The following AUTS2 variants were observed in gnomAD, a reference collection of about 807,000 sequenced individuals.
The protein encoded by AUTS2 is autism susceptibility gene 2 protein.
Under a neutral mutation model 112.4 loss-of-function variants are expected in AUTS2, and 17 were observed. That is an observed-to-expected ratio of 0.15 (90% confidence interval 0.10 to 0.23). The LOEUF is 0.23. Among genes scored for constraint, AUTS2 ranks in the 10% least tolerant of loss-of-function variants. The pLI is 1.00. For synonymous variants in AUTS2, 751 were observed against 702.7 expected (o/e 1.07, Z -1.09); for missense variants, 1,510 against 1,701.6 (o/e 0.89, Z 1.98).
chr7:70,301,818 G>GCTCAC (rs1163580028), intron 4 of AUTS2, among the ~76,000 whole-genome samples: 1 of 152,156 alleles, frequency 6.6e-6, no homozygotes, highest in Admixed American at 6.5e-5. Context: ...GGATACAGTG[G>GCTCAC]TGTGATCTTG....
Position 69,598,553 on chromosome 7 carries a change from G to GGCAGCA in AUTS2, c.-1092_-1087dup, listed in dbSNP as rs572559239. ...TCGGGGCTTTCTCGGCGGCGGCGGCGGCAGCAGCAGCAGCGTTAGCGGCGG... is the reference window on the plus strand; with the variant it reads ...TCGGGGCTTTCTCGGCGGCGGCGGCGGCAGCAGCAGCAGCAGCAGCGTTAGCGGCGG... On this transcript the variant is annotated 5_prime_UTR_variant, in exon 1 of 19. Transcript: ENST00000342771. The GGCAGCA allele has an allele frequency of 4.6e-5, 8 of 172,560 alleles. No homozygotes were observed. Among genetic ancestry groups the GGCAGCA allele is most frequent in the South Asian group, 2.2e-4 (2 of 8,994 alleles). The allele number at this position is 172,560 out of a possible 1,614,324, so 10.7% of individuals were successfully genotyped here.
intron 4 of AUTS2, among the ~76,000 whole-genome samples, chr7:70,267,700 C>G (rs949372872): frequency 6.6e-6 from 1 of 152,200 alleles, no homozygotes; most frequent in South Asian, 2.1e-4. Flanking sequence ...CAAACACAAG[C>G]TATGGAGAGC....
intron 2 of AUTS2, among the ~76,000 whole-genome samples, chr7:69,982,077 T>C (rs1798318111): frequency 6.6e-6 from 1 of 152,248 alleles, no homozygotes; most frequent in South Asian, 2.1e-4. Flanking sequence ...AGGAATATAC[T>C]GTCTGAATTA....
At chr7:70,350,569 A>C (rs1562899597) in intron 4 of AUTS2, among the ~76,000 whole-genome samples, 1 of 152,196 alleles carries the variant, frequency 6.6e-6, no homozygotes, top group Non-Finnish European at 1.5e-5. Flanking sequence ...TCACGAGAGC[A>C]GCACAGGAAA....
intron 5 of AUTS2, among the ~76,000 whole-genome samples, chr7:70,461,486 G>A (rs1328394118): frequency 1.3e-5 from 2 of 152,108 alleles, no homozygotes; most frequent in African/African-American, 4.8e-5. Context: ...TTCCCACCCA[G>A]GCTTCCCACC....
intron 5 of AUTS2, among the ~76,000 whole-genome samples, chr7:70,508,118 A>G (rs1799041447): frequency 6.6e-6 from 1 of 152,138 alleles, no homozygotes; most frequent in African/African-American, 2.4e-5. Context: ...GGGGGTAGCT[A>G]ACTGATCAAG....
intron 2 of AUTS2, among the ~76,000 whole-genome samples, chr7:69,979,317 A>G (rs941820323): frequency 6.6e-6 from 1 of 152,348 alleles, no homozygotes; most frequent in South Asian, 2.1e-4. Flanking sequence ...GCTGTTTGAG[A>G]CAAGTAGGAC....
rs146803070 is a variant in AUTS2, at chr7:69,674,879, G to A, written c.309+74917G>A. ...GAGAGGGACAAGAAACGTGGGTCAG[G>A]ACAGAAGGCGTACTGCAGGAACAGA... On this transcript the variant is annotated intron_variant, in intron 1 of 18. Coordinates refer to ENST00000342771, the MANE Select transcript of AUTS2 (RefSeq NM_015570.4). 4.6e-3 allele frequency among the ~76,000 whole-genome samples: 704 copies of A among 152,332 alleles called. 2 individuals are homozygous for A. The highest frequency in any genetic ancestry group is 0.024 in the Middle Eastern group (7 of 294).
chr7:69,689,799 T>C (rs947300479), intron 1 of AUTS2, among the ~76,000 whole-genome samples: 1 of 151,410 alleles, frequency 6.6e-6, no homozygotes, highest in Admixed American at 6.6e-5. Context: ...TGCCTCAGCC[T>C]CCCGAGTAGC....
At chr7:70,229,029 A>G (rs140216639) in intron 4 of AUTS2, among the ~76,000 whole-genome samples, 6 of 151,914 alleles carry the variant, frequency 3.9e-5, no homozygotes, top group African/African-American at 1.4e-4. Context: ...TATTATATAT[A>G]TTAATCTTTC....
intron 1 of AUTS2, among the ~76,000 whole-genome samples, chr7:69,878,253 T>C (rs938151670): frequency 2.6e-5 from 4 of 152,044 alleles, no homozygotes; most frequent in African/African-American, 9.7e-5. Context: ...CAATGGTTTG[T>C]AGTAGGAGAA....
chr7:70,702,553 T>C (rs1809515211), intron 6 of AUTS2, among the ~76,000 whole-genome samples: 1 of 152,168 alleles, frequency 6.6e-6, no homozygotes, highest in South Asian at 2.1e-4. Flanking sequence ...GAGTGAGCCA[T>C]CGGGGAGCTG....
At chr7:70,313,664 A>G (rs1223158542) in intron 4 of AUTS2, among the ~76,000 whole-genome samples, 5 of 152,218 alleles carry the variant, frequency 3.3e-5, no homozygotes, top group Admixed American at 3.3e-4. Context: ...GTTGCTGGTT[A>G]GTACTTGTAG....
At chr7:70,117,105 TTTTTTTTTTTTG>T (rs1228676972) in intron 2 of AUTS2, among the ~76,000 whole-genome samples, 2 of 100,668 alleles carry the variant, frequency 2.0e-5, no homozygotes, top group African/African-American at 9.3e-5. Context: ...ATGACTTTTG[TTTTTTTTTTTTG>T]TTTTTTTTTG....
chr7:70,741,465 G>A (rs1405251045), intron 6 of AUTS2, among the ~76,000 whole-genome samples: 3 of 152,108 alleles, frequency 2.0e-5, no homozygotes, highest in Admixed American at 1.3e-4. Context: ...GCTGAGGCAG[G>A]CGGATCATCT....
chr7:69,687,900 A>G (rs938987362), intron 1 of AUTS2, among the ~76,000 whole-genome samples: 1 of 152,172 alleles, frequency 6.6e-6, no homozygotes, highest in Non-Finnish European at 1.5e-5. Flanking sequence ...CCTCTCTGAA[A>G]ACACAAAAGA....
intron 7 of AUTS2, 100 bp from the exon 8 acceptor site, chr7:70,764,652 G>C (rs1468311567): frequency 1.1e-5 from 7 of 661,210 alleles, no homozygotes; most frequent in Non-Finnish European, 1.9e-5. Context: ...AAGAGAGACT[G>C]TGGTGAGGGT....
At chr7:70,241,256 T>C (rs1381834747) in intron 4 of AUTS2, among the ~76,000 whole-genome samples, 1 of 152,228 alleles carries the variant, frequency 6.6e-6, no homozygotes, top group African/African-American at 2.4e-5. Flanking sequence ...GCCACAATAA[T>C]AGGGTAAGAG....
intron 4 of AUTS2, among the ~76,000 whole-genome samples, chr7:70,434,074 C>T (rs965154447): frequency 1.3e-5 from 2 of 152,134 alleles, no homozygotes; most frequent in South Asian, 2.1e-4. Flanking sequence ...ATGGCTGCTA[C>T]GTATCTGGAC....
Sources: allele counts gnomAD v4.1 joint callset (sites outside exome capture counted in the v4.1 genomes callset), GRCh38; gene constraint gnomAD v4.1.1; transcripts MANE v1.5; gene names NCBI Gene and HGNC (gene_info 2026-07-23, HGNC 2026-07-21).